ZMIZ1: variants seen among roughly 807,000 people sequenced by gnomAD.
ZMIZ1 encodes zinc finger MIZ domain-containing protein 1.
Under a neutral mutation model 113.9 loss-of-function variants are expected in ZMIZ1, and 17 were observed. That is an observed-to-expected ratio of 0.15 (90% CI 0.10 to 0.22). ZMIZ1 has a LOEUF of 0.22. Ranked by LOEUF, ZMIZ1 falls within the 10% of genes least tolerant of loss-of-function variation. The probability of loss-of-function intolerance (pLI) is 1.00; values close to 1 mark genes in which losing one functional copy is unlikely to be tolerated. For synonymous variants in ZMIZ1, 607 were observed against 603.1 expected (o/e 1.01, Z -0.09); for missense variants, 1,059 against 1,477.8 (o/e 0.72, Z 4.65).
intron 18 of ZMIZ1, 63 bp downstream of exon 18, chr10:79,302,275 G>A: frequency 6.6e-7 from 1 of 1,520,612 alleles, no homozygotes; most frequent in Non-Finnish European, 9.0e-7. Flanking sequence ...TTGGGACTGA[G>A]AAGCAGTCAC....
chr10:79,128,829 G>T (rs1375399635), intron 2 of ZMIZ1, among the ~76,000 whole-genome samples: 1 of 134,988 alleles, frequency 7.4e-6, no homozygotes, highest in African/African-American at 3.2e-5. Flanking sequence ...TCATTCCAGT[G>T]GAAAAAGTAG....
At chr10:79,167,018 A>C (rs1589367762) in intron 4 of ZMIZ1, among the ~76,000 whole-genome samples, 2 of 151,410 alleles carry the variant, frequency 1.3e-5, no homozygotes, top group African/African-American at 2.4e-5. Flanking sequence ...GCTGCCCCCC[A>C]CCCCTCTTCT....
rs527892284 is a variant in ZMIZ1 at position 79,315,764 on chromosome 10, G to A, written c.*3015G>A. The A allele has an allele frequency of 6.5e-6, 1 of 152,856 alleles. No homozygotes were observed. The highest frequency in any genetic ancestry group is 6.5e-5 in the Admixed American group (1 of 15,304). The allele number at this position is 152,856 out of a possible 1,614,324, so 9.5% of individuals were successfully genotyped here. A position where few individuals can be genotyped will look rare whatever the true frequency, so the allele number is the denominator to read the frequency against. On this transcript the variant is annotated 3_prime_UTR_variant, in exon 25 of 25. Transcript: ENST00000334512. Reference sequence around the variant, plus strand: ...TCAACAGCAGCGACTCAAGGGACGTGTGTACATATGTAAATGAGAAATAGA... The same window carrying A: ...TCAACAGCAGCGACTCAAGGGACGTATGTACATATGTAAATGAGAAATAGA...
At chr10:79,220,474 A>T (rs1848920078) in intron 7 of ZMIZ1, among the ~76,000 whole-genome samples, 1 of 152,136 alleles carries the variant, frequency 6.6e-6, no homozygotes, top group South Asian at 2.1e-4. Context: ...CCACCTGCCC[A>T]GCCCACTTCC....
chr10:79,304,679 A>T (rs188368449), intron 19 of ZMIZ1, among the ~76,000 whole-genome samples: 1 of 152,322 alleles, frequency 6.6e-6, no homozygotes, highest in Non-Finnish European at 1.5e-5. Flanking sequence ...CAGGGCTGTC[A>T]CCTGCAGCTG....
chr10:79,072,268 A>T (rs940729681), intron 1 of ZMIZ1, among the ~76,000 whole-genome samples: 1 of 152,178 alleles, frequency 6.6e-6, no homozygotes, highest in Non-Finnish European at 1.5e-5. Flanking sequence ...TCCCTCACGC[A>T]CGCGCGCACG....
intron 12 of ZMIZ1, chr10:79,295,408 C>A (rs1266399211): frequency 1.3e-5 from 2 of 152,240 alleles, no homozygotes; most frequent in African/African-American, 4.8e-5. Flanking sequence ...GCCTATGCGG[C>A]CTGATCCTGT....
At chr10:79,147,148 G>A (rs889838582) in intron 3 of ZMIZ1, among the ~76,000 whole-genome samples, 6 of 152,274 alleles carry the variant, frequency 3.9e-5, no homozygotes, top group Non-Finnish European at 8.8e-5. Context: ...GCATCAGGGA[G>A]CCCCGAGCTG....
chr10:79,307,075 GC>G (rs918771421), intron 22 of ZMIZ1, among the ~76,000 whole-genome samples: 34 of 152,298 alleles, frequency 2.2e-4, no homozygotes, highest in Admixed American at 1.4e-3. Flanking sequence ...TATGAAAAGT[GC>G]CCACATTGGG....
chr10:79,176,831 C>G (rs750810748), intron 4 of ZMIZ1, among the ~76,000 whole-genome samples: 6 of 152,190 alleles, frequency 3.9e-5, no homozygotes, highest in Admixed American at 6.5e-5. Context: ...ATTGGGAAGT[C>G]TCTTTTCTCT....
chr10:79,078,717 G>GTCTTTTTT (rs781149546), intron 1 of ZMIZ1, among the ~76,000 whole-genome samples: 2 of 53,900 alleles, frequency 3.7e-5, no homozygotes, highest in Admixed American at 1.6e-4. Flanking sequence ...GCTAATTTTT[G>GTCTTTTTT]TATTTTTTTT....
At chr10:79,142,256 A>G (rs1845303013) in intron 3 of ZMIZ1, among the ~76,000 whole-genome samples, 1 of 152,168 alleles carries the variant, frequency 6.6e-6, no homozygotes, top group Non-Finnish European at 1.5e-5. Context: ...ATGAGTCGGG[A>G]AGGCAGAGAG....
intron 7 of ZMIZ1, among the ~76,000 whole-genome samples, chr10:79,271,071 C>G (rs981023639): frequency 2.0e-5 from 3 of 152,188 alleles, no homozygotes; most frequent in African/African-American, 7.2e-5. Context: ...CCTCATTCTA[C>G]CCCTAGGCGG....
chr10:79,253,588 G>A (rs1350139535), intron 7 of ZMIZ1, among the ~76,000 whole-genome samples: 1 of 152,178 alleles, frequency 6.6e-6, no homozygotes, highest in Admixed American at 6.5e-5. Flanking sequence ...CAGGGAGTGT[G>A]GGGGACTGGT....
chr10:79,264,587 C>T (rs1427284427), intron 7 of ZMIZ1, among the ~76,000 whole-genome samples: 1 of 152,230 alleles, frequency 6.6e-6, no homozygotes, highest in East Asian at 1.9e-4. Context: ...CAGAGGCCAG[C>T]CTTGGCCCTG....
intron 7 of ZMIZ1, among the ~76,000 whole-genome samples, chr10:79,222,117 A>T (rs958307538): frequency 5.3e-5 from 8 of 152,244 alleles, no homozygotes; most frequent in African/African-American, 1.9e-4. Flanking sequence ...GCTGTCAATC[A>T]GAAAACACAG....
intron 7 of ZMIZ1, among the ~76,000 whole-genome samples, chr10:79,248,737 C>G (rs1410609793): frequency 6.6e-6 from 1 of 152,222 alleles, no homozygotes; most frequent in African/African-American, 2.4e-5. Context: ...GTCCTCTGCT[C>G]TCCTGGAAAA....
In ZMIZ1 at chr10:79,080,124, C is replaced by G. The variant is rs560232980; in HGVS notation, c.-337+10854C>G. 2.6e-5 allele frequency among the ~76,000 whole-genome samples: 4 copies of G among 152,222 alleles called. No homozygotes were observed. In the South Asian group the frequency reaches 6.2e-4, roughly 24 times the overall value. ...ATGAGTCACTCTGCCTCCCTGCTCG[C>G]AGTCCTCATGTCCCCACCTTCCTGG... On this transcript the variant is annotated intron_variant, in intron 1 of 24. Transcript: ENST00000334512.
chr10:79,131,050 C>T (rs1376834932), intron 2 of ZMIZ1, among the ~76,000 whole-genome samples: 1 of 152,212 alleles, frequency 6.6e-6, no homozygotes, highest in Non-Finnish European at 1.5e-5. Flanking sequence ...GCATTCTTGC[C>T]TAATCCACCC....
Sources: allele counts gnomAD v4.1 joint callset (sites outside exome capture counted in the v4.1 genomes callset), GRCh38; gene constraint gnomAD v4.1.1; transcripts MANE v1.5; gene names NCBI Gene and HGNC (gene_info 2026-07-23, HGNC 2026-07-21).